The following GPAT3 variants were observed in gnomAD, a reference collection of about 807,000 sequenced individuals.
The protein encoded by GPAT3 is glycerol-3-phosphate acyltransferase 3.
Under a neutral mutation model 58.8 loss-of-function variants are expected in GPAT3, and 53 were observed. That is an observed-to-expected ratio of 0.90 (90% CI 0.72 to 1.13). The LOEUF is 1.13. Among genes scored for constraint, GPAT3 ranks in the 50% most tolerant of loss-of-function variants. The probability of loss-of-function intolerance (pLI) is 0.00; values close to 1 mark genes in which losing one functional copy is unlikely to be tolerated. For synonymous variants in GPAT3, 197 were observed against 187.4 expected (o/e 1.05, Z -0.42); for missense variants, 511 against 527.6 (o/e 0.97, Z 0.31).
At chr4:83,603,921 T>C (rs899637755) in intron 11 of GPAT3, among the ~76,000 whole-genome samples, 1 of 152,202 alleles carries the variant, frequency 6.6e-6, no homozygotes, top group Non-Finnish European at 1.5e-5. Context: ...ACAGTACCCT[T>C]ACCATTTCTT....
At chr4:83,554,391 C>G (rs1478999731) in intron 2 of GPAT3, among the ~76,000 whole-genome samples, 1 of 152,132 alleles carries the variant, frequency 6.6e-6, no homozygotes, top group Non-Finnish European at 1.5e-5. Context: ...CCAAACCAGG[C>G]TCCCCACCCT....
chr4:83,583,094 G>A (rs1473065557), intron 3 of GPAT3, among the ~76,000 whole-genome samples: 1 of 150,868 alleles, frequency 6.6e-6, no homozygotes, highest in Non-Finnish European at 1.5e-5. Context: ...TCAAGAGATC[G>A]AGACCATCCT....
In GPAT3 at chr4:83,576,876, G is replaced by A. The variant is rs569630980; in HGVS notation, c.209-4686G>A. ...TATCCTAAATATCCATGGGGAGCAG[G>A]TTATTTACGTAGTCTCAAAGTATCT... On this transcript the variant is annotated intron_variant, in intron 2 of 11. Transcript: ENST00000264409. Among the ~76,000 whole-genome samples, 8 of 152,268 alleles carry A rather than the reference G, an allele frequency of 5.3e-5. No homozygotes were observed. In the East Asian group the frequency reaches 1.5e-3, roughly 29 times the overall value.
intron 11 of GPAT3, among the ~76,000 whole-genome samples, chr4:83,600,090 G>T (rs1274812685): frequency 6.6e-6 from 1 of 152,152 alleles, no homozygotes; most frequent in South Asian, 2.1e-4. Context: ...GATAAGGGGG[G>T]AGTTACTGTA....
At chr4:83,553,702 C>T (rs1162045324) in intron 2 of GPAT3, among the ~76,000 whole-genome samples, 1 of 151,926 alleles carries the variant, frequency 6.6e-6, no homozygotes, top group Non-Finnish European at 1.5e-5. Flanking sequence ...GGTTCAAGAC[C>T]AGCCTGGGCA....
At chr4:83,560,036 C>T (rs1207580140) in intron 2 of GPAT3, among the ~76,000 whole-genome samples, 3 of 152,282 alleles carry the variant, frequency 2.0e-5, no homozygotes, top group Admixed American at 6.5e-5. Flanking sequence ...TGTGAAGCAG[C>T]CTCAGAATAG....
chr4:83,583,207 T>C (rs1276093486), intron 3 of GPAT3, among the ~76,000 whole-genome samples: 1 of 151,932 alleles, frequency 6.6e-6, no homozygotes, highest in Admixed American at 6.5e-5. Flanking sequence ...GACAGGAGAA[T>C]CGCTTGAACC....
At chr4:83,571,725 T>C (rs200755441) in intron 2 of GPAT3, among the ~76,000 whole-genome samples, 7 of 100,734 alleles carry the variant, frequency 6.9e-5, no homozygotes, top group African/African-American at 1.1e-4. Flanking sequence ...TACACACACA[T>C]ATATATATAT....
chr4:83,546,725 TG>T (rs1724530032), intron 2 of GPAT3, among the ~76,000 whole-genome samples: 1 of 152,074 alleles, frequency 6.6e-6, no homozygotes, highest in South Asian at 2.1e-4. Context: ...ATAGTCCCTG[TG>T]GGGAGATAGG....
rs1266355454 is a variant in GPAT3, at chr4:83,562,187, A to AT, written c.208+17586dup. The stretch of plus-strand genomic sequence containing the variant: ...TCTAGTTATTTTATATATTATATAT[A>AT]TATATATATATAATATATATATATT... On this transcript the variant is annotated intron_variant, in intron 2 of 11. Transcript: ENST00000264409. Among the ~76,000 whole-genome samples, 102 of 52,892 alleles carry AT rather than the reference A, an allele frequency of 1.9e-3. 3 individuals are homozygous for AT. In the Admixed American group the frequency reaches 0.02, roughly 10 times the overall value. 34.7% of individuals were successfully genotyped at this position (52,892 alleles called of 152,430 possible). A position where few individuals can be genotyped will look rare whatever the true frequency, so the allele number is the denominator to read the frequency against.
At position 83,598,164 on chromosome 4, in the gene GPAT3, C is replaced by G; in HGVS notation, c.1110C>G (p.Pro370=). 1 of 1,612,788 alleles carries G rather than the reference C, an allele frequency of 6.2e-7. No homozygotes were observed. Among genetic ancestry groups the G allele is most frequent in the Middle Eastern group, 1.7e-4 (1 of 6,052 alleles). Reference sequence around the variant, plus strand: ...TCGTCTGTGACGTGTGGTACATGCCCCCCATGACCAGAGAGGTATTCCTTA... The same window carrying G: ...TCGTCTGTGACGTGTGGTACATGCCGCCCATGACCAGAGAGGTATTCCTTA... ...WAIVCDVWYM[P]PMTREEGEDA... Residue 370 remains proline, a synonymous_variant, in exon 10 of 12, where the codon CCC becomes CCG. Coordinates refer to ENST00000264409, the MANE Select transcript of GPAT3 (RefSeq NM_032717.5).
chr4:83,547,440 G>T (rs1253344602), intron 2 of GPAT3, among the ~76,000 whole-genome samples: 2 of 151,620 alleles, frequency 1.3e-5, no homozygotes, highest in African/African-American at 2.4e-5. Flanking sequence ...TTTTAGTAGA[G>T]ACGGGGTTTC....
intron 2 of GPAT3, among the ~76,000 whole-genome samples, chr4:83,570,301 G>C (rs1725555204): frequency 6.6e-6 from 1 of 152,138 alleles, no homozygotes; most frequent in Non-Finnish European, 1.5e-5. Flanking sequence ...GGATTGCGAA[G>C]ACTACAAAAG....
Position 83,582,141 on chromosome 4 carries a change from A to AGAG in GPAT3, c.479+311_479+312insGGA, listed in dbSNP as rs140682062. Among the ~76,000 whole-genome samples, 562 of 143,746 alleles carry AGAG rather than the reference A, an allele frequency of 3.9e-3. 4 individuals carry two copies. The highest frequency in any genetic ancestry group is 0.016 in the African/African-American group (535 of 33,464). The allele number at this position is 143,746 out of a possible 152,430, so 94.3% of individuals were successfully genotyped here. A position where few individuals can be genotyped will look rare whatever the true frequency, so the allele number is the denominator to read the frequency against. Reference sequence around the variant, plus strand: ...GTGAAGAAGAAGAAGAGGAAGAGGAAGAAGAAGAAGAGAGATCATCAACAG... The same window carrying AGAG: ...GTGAAGAAGAAGAAGAGGAAGAGGAAGAGGAAGAAGAAGAGAGATCATCAACAG... On this transcript the variant is annotated intron_variant, in intron 3 of 11. Coordinates refer to ENST00000264409, the MANE Select transcript of GPAT3 (RefSeq NM_032717.5).
chr4:83,553,783 G>A (rs191512440), intron 2 of GPAT3, among the ~76,000 whole-genome samples: 47 of 151,990 alleles, frequency 3.1e-4, no homozygotes, highest in African/African-American at 1.1e-3. Context: ...AGTCTGAGGT[G>A]GGAAGATCTC....
chr4:83,594,452 C>T (rs1171991463), intron 6 of GPAT3, among the ~76,000 whole-genome samples: 1 of 152,184 alleles, frequency 6.6e-6, no homozygotes, highest in Non-Finnish European at 1.5e-5. Context: ...AATCTGCTCC[C>T]TTCCACCAAG....
At chr4:83,558,144 G>A (rs913221580) in intron 2 of GPAT3, among the ~76,000 whole-genome samples, 4 of 152,176 alleles carry the variant, frequency 2.6e-5, no homozygotes, top group African/African-American at 9.6e-5. Context: ...AATTGGGGAG[G>A]CGGAGGTTGC....
intron 2 of GPAT3, among the ~76,000 whole-genome samples, chr4:83,571,536 A>T (rs546582818): frequency 6.6e-6 from 1 of 151,886 alleles, no homozygotes; most frequent in East Asian, 1.9e-4. Context: ...AGTATTTTTC[A>T]ACAAAGTATA....
At chr4:83,570,963 G>T (rs1036822466) in intron 2 of GPAT3, among the ~76,000 whole-genome samples, 1 of 152,154 alleles carries the variant, frequency 6.6e-6, no homozygotes, top group Non-Finnish European at 1.5e-5. Context: ...CCCCTGCTCA[G>T]TATCTGCCCT....
Sources: gnomAD v4.1 joint callset for allele counts (sites outside exome capture counted in the v4.1 genomes callset) on GRCh38, gnomAD v4.1.1 for gene constraint, MANE v1.5 for transcripts, NCBI Gene and HGNC (gene_info 2026-07-23, HGNC 2026-07-21) for gene names.